CEP70: variants seen among roughly 807,000 people sequenced by gnomAD.
The protein encoded by CEP70 is centrosomal protein of 70 kDa.
In CEP70, 70 loss-of-function variants were observed where a neutral mutation model predicts 90.9. That is an observed-to-expected ratio of 0.77 (90% CI 0.64 to 0.94). CEP70 has a LOEUF of 0.94. Among genes scored for constraint, CEP70 ranks in the 40% least tolerant of loss-of-function variants. The probability of loss-of-function intolerance (pLI) is 0.00; values close to 1 mark genes in which losing one functional copy is unlikely to be tolerated. For synonymous variants in CEP70, 220 were observed against 228.3 expected (o/e 0.96, Z 0.33); for missense variants, 648 against 669.0 (o/e 0.97, Z 0.35).
At position 138,500,469 on chromosome 3, in the gene CEP70, C is replaced by G. The variant is rs1560273591; in HGVS notation, c.1467G>C (p.Met489Ile). ...VPSLNGVYPRMNEVYTRLGEM... is the reference protein window; with the variant it reads ...VPSLNGVYPRINEVYTRLGEM... ...CTCCAAGCCTAGTATAAACTTCATT[C>G]ATTCGGGGATAGACTCCATTTAAAG... Residue 489 changes from methionine (M) to isoleucine (I), a missense_variant, in exon 15 of 18, where the codon ATG (methionine) becomes ATC (isoleucine). Transcript: ENST00000264982. 6.2e-7 allele frequency: 1 copy of G among 1,611,008 alleles called. No homozygotes were observed. Among genetic ancestry groups the G allele is most frequent in the East Asian group, 2.2e-5 (1 of 44,776 alleles).
intron 6 of CEP70, among the ~76,000 whole-genome samples, chr3:138,553,266 T>C (rs2039753204): frequency 6.6e-6 from 1 of 151,690 alleles, no homozygotes; most frequent in South Asian, 2.1e-4. Context: ...GATCACGAGG[T>C]CAGGAGATCG....
chr3:138,579,496 G>A (rs886709779), intron 2 of CEP70, among the ~76,000 whole-genome samples: 6 of 151,452 alleles, frequency 4.0e-5, no homozygotes, highest in South Asian at 2.1e-4. Flanking sequence ...GAGTAAAGAG[G>A]ACTTTGTCTT....
chr3:138,569,555 TCA>T (rs2041020818), intron 6 of CEP70, among the ~76,000 whole-genome samples: 1 of 152,148 alleles, frequency 6.6e-6, no homozygotes, highest in Non-Finnish European at 1.5e-5. Flanking sequence ...TAAAAAGAAC[TCA>T]GTTTTAGACA....
chr3:138,572,162 T>C (rs2041221987), intron 3 of CEP70, among the ~76,000 whole-genome samples: 1 of 152,224 alleles, frequency 6.6e-6, no homozygotes, highest in Admixed American at 6.5e-5. Flanking sequence ...AGACAGCTCC[T>C]TGTCAAATGG....
At chr3:138,498,243 CTT>C in intron 16 of CEP70, 133 bp from the exon 17 acceptor site, 2 of 590,994 alleles carry the variant, frequency 3.4e-6, no homozygotes, top group Non-Finnish European at 5.7e-6. Flanking sequence ...TTACTACAGT[CTT>C]TTCTTTCTGA....
chr3:138,533,644 T>C (rs960264387), intron 7 of CEP70, among the ~76,000 whole-genome samples: 8 of 152,330 alleles, frequency 5.3e-5, no homozygotes, highest in Admixed American at 5.2e-4. Flanking sequence ...AGCACTCATT[T>C]TGAGAAACAG....
chr3:138,556,584 G>T (rs142984686), intron 6 of CEP70, among the ~76,000 whole-genome samples: 5 of 149,208 alleles, frequency 3.4e-5, no homozygotes, highest in Admixed American at 1.3e-4. Context: ...CGACAGTCAC[G>T]TAAGTTCTTT....
chr3:138,524,172 A>C (rs1373064173), intron 11 of CEP70, among the ~76,000 whole-genome samples: 3 of 151,554 alleles, frequency 2.0e-5, no homozygotes, highest in Non-Finnish European at 2.9e-5. Context: ...GGCTAGCCAT[A>C]TGTAGAAAGC....
At chr3:138,533,994 C>T (rs947939594) in intron 7 of CEP70, among the ~76,000 whole-genome samples, 5 of 152,144 alleles carry the variant, frequency 3.3e-5, no homozygotes, top group Non-Finnish European at 7.4e-5. Flanking sequence ...CCGTGTTAGC[C>T]AGGATGGTCT....
intron 11 of CEP70, among the ~76,000 whole-genome samples, chr3:138,523,337 C>T (rs1171848421): frequency 6.6e-6 from 1 of 152,158 alleles, no homozygotes; most frequent in Non-Finnish European, 1.5e-5. Context: ...CCCTCTCTCA[C>T]CACTCCTATT....
intron 17 of CEP70, chr3:138,497,077 A>G (rs1185056252): frequency 9.5e-7 from 1 of 1,053,020 alleles, no homozygotes; most frequent in Admixed American, 5.4e-5. Flanking sequence ...TCTCAAGTTT[A>G]ACTTTCAAAT....
At chr3:138,538,007 T>A (rs1407903243) in intron 6 of CEP70, among the ~76,000 whole-genome samples, 1 of 152,124 alleles carries the variant, frequency 6.6e-6, no homozygotes, top group Non-Finnish European at 1.5e-5. Context: ...GTAACTGTGA[T>A]GCCTCTCCCC....
At chr3:138,586,598 T>TCTC (rs1231272550) in intron 2 of CEP70, among the ~76,000 whole-genome samples, 1 of 152,132 alleles carries the variant, frequency 6.6e-6, no homozygotes, top group East Asian at 1.9e-4. Flanking sequence ...CATCACATGT[T>TCTC]CTCATTTATT....
intron 6 of CEP70, among the ~76,000 whole-genome samples, chr3:138,537,884 T>A (rs984234263): frequency 2.6e-5 from 4 of 151,994 alleles, no homozygotes; most frequent in African/African-American, 9.7e-5. Flanking sequence ...CAATATCCAA[T>A]GCCAAGATTA....
chr3:138,560,308 G>A (rs532884375), intron 6 of CEP70, among the ~76,000 whole-genome samples: 3 of 152,248 alleles, frequency 2.0e-5, no homozygotes, highest in East Asian at 3.9e-4. Flanking sequence ...GGACTGTGCC[G>A]TGAGGAACAG....
At chr3:138,541,027 T>C (rs1253919636) in intron 6 of CEP70, among the ~76,000 whole-genome samples, 2 of 152,092 alleles carry the variant, frequency 1.3e-5, no homozygotes, top group East Asian at 3.9e-4. Flanking sequence ...CACTTATAAG[T>C]GGGAGCTAAA....
At chr3:138,502,853 C>T (rs2034641195) in intron 13 of CEP70, among the ~76,000 whole-genome samples, 1 of 152,044 alleles carries the variant, frequency 6.6e-6, no homozygotes, top group Non-Finnish European at 1.5e-5. Flanking sequence ...GTACGTCTGG[C>T]CTCTGAAGCA....
intron 3 of CEP70, 141 bp from the exon 4 acceptor site, chr3:138,571,497 CA>C (rs1280286440): frequency 2.0e-5 from 12 of 611,644 alleles, no homozygotes; most frequent in African/African-American, 3.7e-5. Context: ...ATATAATATC[CA>C]AAAAACACAT....
At chr3:138,551,753 A>T (rs938485024) in intron 6 of CEP70, among the ~76,000 whole-genome samples, 29 of 135,716 alleles carry the variant, frequency 2.1e-4, no homozygotes, top group Middle Eastern at 3.6e-3. Context: ...TCTAAAAAAA[A>T]AAAAATAAAA....
Sources: gnomAD v4.1 joint callset for allele counts (sites outside exome capture counted in the v4.1 genomes callset) on GRCh38, gnomAD v4.1.1 for gene constraint, MANE v1.5 for transcripts, NCBI Gene and HGNC (gene_info 2026-07-23, HGNC 2026-07-21) for gene names.